The following KIAA0825 variants were observed in gnomAD, a reference collection of about 807,000 sequenced individuals.
KIAA0825 encodes the protein uncharacterized protein KIAA0825.
A neutral mutation model predicts 147.6 loss-of-function variants in KIAA0825; 119 were observed. That is an observed-to-expected ratio of 0.81 (90% CI 0.69 to 0.94). KIAA0825 has a LOEUF of 0.94. Among genes scored for constraint, KIAA0825 ranks in the 40% least tolerant of loss-of-function variants. KIAA0825 has a pLI of 0.00. For synonymous variants in KIAA0825, 470 were observed against 518.1 expected (o/e 0.91, Z 1.26); for missense variants, 1,381 against 1,472.7 (o/e 0.94, Z 1.02).
chr5:94,554,579 A>T (rs888806219), intron 2 of KIAA0825, among the ~76,000 whole-genome samples: 7 of 151,274 alleles, frequency 4.6e-5, no homozygotes, highest in African/African-American at 1.7e-4. Flanking sequence ...ATTTTTACCA[A>T]ATCTTGGAAA....
chr5:94,507,226 G>C (rs1240584422), intron 5 of KIAA0825, among the ~76,000 whole-genome samples: 2 of 152,224 alleles, frequency 1.3e-5, no homozygotes, highest in African/African-American at 4.8e-5. Flanking sequence ...AAGGCAAGCA[G>C]ATCATGAGGT....
chr5:94,265,393 A>C (rs1367476540), intron 20 of KIAA0825, among the ~76,000 whole-genome samples: 1 of 152,202 alleles, frequency 6.6e-6, no homozygotes, highest in Non-Finnish European at 1.5e-5. Context: ...TCACTGTGTT[A>C]AAATTTGCAC....
rs1759095961 is a variant in KIAA0825 at position 94,456,260 on chromosome 5, A to T, written c.2247-3191T>A. On this transcript the variant is annotated intron_variant, in intron 12 of 20. Transcript: ENST00000682413. Reference sequence around the variant, plus strand: ...CTATTTGTCTAGTTATCTGAGGGCCACTTCATTCCTCTAAGAATGAATACC... The same window carrying T: ...CTATTTGTCTAGTTATCTGAGGGCCTCTTCATTCCTCTAAGAATGAATACC... Among the ~76,000 whole-genome samples the T allele has an allele frequency of 2.0e-5, 3 of 152,158 alleles. No individual in the cohort carries two copies. The South Asian group carries it at 6.2e-4, about 32-fold the overall frequency.
At chr5:94,219,401 G>A (rs1428908217) in intron 20 of KIAA0825, among the ~76,000 whole-genome samples, 1 of 152,140 alleles carries the variant, frequency 6.6e-6, no homozygotes, top group Non-Finnish European at 1.5e-5. Context: ...TGGTCCCCAA[G>A]AGCCCATGGA....
chr5:94,452,245 C>T (rs944210284), intron 13 of KIAA0825, among the ~76,000 whole-genome samples: 16 of 152,266 alleles, frequency 1.1e-4, no homozygotes, highest in African/African-American at 3.8e-4. Flanking sequence ...GAGGTTTTCA[C>T]ACCCTCTATT....
At chr5:94,288,921 G>T (rs1463577705) in intron 20 of KIAA0825, among the ~76,000 whole-genome samples, 2 of 152,100 alleles carry the variant, frequency 1.3e-5, no homozygotes, top group African/African-American at 4.8e-5. Context: ...TCAAATGTGA[G>T]CTGCATTTGG....
intron 1 of KIAA0825, among the ~76,000 whole-genome samples, chr5:94,614,791 T>C (rs1464619587): frequency 1.3e-5 from 2 of 152,328 alleles, no homozygotes; most frequent in East Asian, 1.9e-4. Context: ...TATTTGTTTA[T>C]ATAACTTTCT....
rs34842887 is a variant in KIAA0825 at position 94,200,946 on chromosome 5, CATATATATATATATATATATATATATAT to C, written c.3711-46850_3711-46823del. ...TTTCTCTAGAAATATAGAATTTAAA[CATATATATATATATATATATATATATAT>C]ATATATATATGTATATCAGGACCTT... On this transcript the variant is annotated intron_variant, in intron 20 of 20. Coordinates refer to ENST00000682413, the MANE Select transcript of KIAA0825 (RefSeq NM_001145678.3). 4.2e-4 allele frequency among the ~76,000 whole-genome samples: 44 copies of C among 103,896 alleles called. 1 individual carries two copies. The highest frequency in any genetic ancestry group is 1.8e-3 in the East Asian group (6 of 3,278). 68.2% of individuals were successfully genotyped at this position (103,896 alleles called of 152,430 possible).
At chr5:94,175,957 TATG>T (rs1399957426) in intron 20 of KIAA0825, among the ~76,000 whole-genome samples, 1 of 152,190 alleles carries the variant, frequency 6.6e-6, no homozygotes, top group Non-Finnish European at 1.5e-5. Context: ...TCTAAATTTT[TATG>T]ATGTGTTTCT....
intron 20 of KIAA0825, among the ~76,000 whole-genome samples, chr5:94,342,038 A>C (rs1475136240): frequency 6.6e-6 from 1 of 152,080 alleles, no homozygotes; most frequent in Non-Finnish European, 1.5e-5. Context: ...CTAAAAATAC[A>C]AAAAGAAGTT....
At position 94,499,639 on chromosome 5, in the gene KIAA0825, A is replaced by G. The variant is rs185192440; in HGVS notation, c.971-14709T>C. Among the ~76,000 whole-genome samples, 4 of 145,358 alleles carry G rather than the reference A, an allele frequency of 2.8e-5. No individual in the cohort carries two copies. In the East Asian group the frequency reaches 8.3e-4, roughly 30 times the overall value. ...ACTTTCTGGAATCCCCATTAATCTTAGCATAATATTTTTTAAATAGTTGAG... is the reference window on the plus strand; with the variant it reads ...ACTTTCTGGAATCCCCATTAATCTTGGCATAATATTTTTTAAATAGTTGAG... On this transcript the variant is annotated intron_variant, in intron 5 of 20. Transcript: ENST00000682413.
At chr5:94,417,813 G>T (rs1199500378) in intron 14 of KIAA0825, among the ~76,000 whole-genome samples, 1 of 152,064 alleles carries the variant, frequency 6.6e-6, no homozygotes, top group Non-Finnish European at 1.5e-5. Flanking sequence ...AGTTTTTCCA[G>T]AATTATGCTA....
intron 2 of KIAA0825, among the ~76,000 whole-genome samples, chr5:94,560,745 C>A (rs114651201): frequency 0.013 from 1,992 of 152,306 alleles, 43 homozygotes; most frequent in African/African-American, 0.045. Context: ...CGTCTGCAAC[C>A]AGTGTCGCAG....
intron 5 of KIAA0825, among the ~76,000 whole-genome samples, chr5:94,509,202 C>G (rs1393358977): frequency 6.6e-6 from 1 of 152,158 alleles, no homozygotes; most frequent in Non-Finnish European, 1.5e-5. Context: ...GCAGAGAAAA[C>G]CACAAGGATG....
chr5:94,501,445 C>T (rs1765075352), intron 5 of KIAA0825, among the ~76,000 whole-genome samples: 1 of 152,154 alleles, frequency 6.6e-6, no homozygotes, highest in Non-Finnish European at 1.5e-5. Flanking sequence ...AACAACCTAT[C>T]CAAGGTTACA....
Position 94,281,191 on chromosome 5 carries a change from G to T in KIAA0825, c.3710+103177C>A, listed in dbSNP as rs866469597. Among the ~76,000 whole-genome samples, 280 of 128,832 alleles carry T rather than the reference G, an allele frequency of 2.2e-3. 1 individual carries two copies. Among genetic ancestry groups the T allele is most frequent in the South Asian group, 3.2e-3 (12 of 3,760 alleles). The allele number at this position is 128,832 out of a possible 152,430, so 84.5% of individuals were successfully genotyped here. A position where few individuals can be genotyped will look rare whatever the true frequency, so the allele number is the denominator to read the frequency against. ...CTTTTATATATTAATTCAAACATAA[G>T]TGATTTAACACACACACACACACAC... is the stretch of plus-strand genomic sequence containing the variant. On this transcript the variant is annotated intron_variant, in intron 20 of 20. Coordinates refer to ENST00000682413, the MANE Select transcript of KIAA0825 (RefSeq NM_001145678.3).
chr5:94,396,793 G>A (rs972520173), intron 16 of KIAA0825, among the ~76,000 whole-genome samples: 3 of 151,766 alleles, frequency 2.0e-5, no homozygotes, highest in African/African-American at 7.3e-5. Context: ...GACCCAGGTG[G>A]CCTCCTCATT....
chr5:94,403,499 T>C (rs1751659811), intron 16 of KIAA0825, 70 bp downstream of exon 16: 3 of 1,147,416 alleles, frequency 2.6e-6, no homozygotes, highest in African/African-American at 3.1e-5. Flanking sequence ...TTTAGAATTT[T>C]ACTTGATTAC....
intron 20 of KIAA0825, among the ~76,000 whole-genome samples, chr5:94,374,307 G>T (rs1231217314): frequency 6.6e-6 from 1 of 152,108 alleles, no homozygotes; most frequent in African/African-American, 2.4e-5. Flanking sequence ...GTGCATTTCT[G>T]TCAATAGCAT....
Sources: gnomAD v4.1 joint callset for allele counts (sites outside exome capture counted in the v4.1 genomes callset) on GRCh38, gnomAD v4.1.1 for gene constraint, MANE v1.5 for transcripts, NCBI Gene and HGNC (gene_info 2026-07-23, HGNC 2026-07-21) for gene names.